Variants in CRYBG3 observed in about 807,000 individuals in gnomAD.
CRYBG3 encodes the protein crystallin beta-gamma domain containing 3.
A neutral mutation model predicts 244.2 loss-of-function variants in CRYBG3; 127 were observed. The ratio of observed to expected loss-of-function variants is 0.52; its 90% CI spans 0.45 to 0.60. CRYBG3 has a LOEUF of 0.60. Among genes scored for constraint, CRYBG3 ranks in the 20% least tolerant of loss-of-function variants. CRYBG3 has a pLI of 0.00. For missense variants in CRYBG3, 3,325 were observed against 3,442.5 expected, an observed-to-expected ratio of 0.97 and a Z score of 0.85; for synonymous variants, 1,132 against 1,195.8, an observed-to-expected ratio of 0.95 and a Z score of 1.10.
At chr3:97,866,455 A>C (rs1488382033) in intron 3 of CRYBG3, among the ~76,000 whole-genome samples, 4 of 152,220 alleles carry the variant, frequency 2.6e-5, no homozygotes, top group Non-Finnish European at 5.9e-5. Context: ...TCCTTGGAGC[A>C]GCAGCAGCAT....
At chr3:97,931,992 C>T (rs1482507497) in intron 17 of CRYBG3, among the ~76,000 whole-genome samples, 1 of 151,948 alleles carries the variant, frequency 6.6e-6, no homozygotes, top group Non-Finnish European at 1.5e-5. Flanking sequence ...GTAATAATTA[C>T]CAACTTAAAA....
At chr3:97,837,899 TGAAA>T (rs1261479595) in intron 1 of CRYBG3, among the ~76,000 whole-genome samples, 1 of 152,104 alleles carries the variant, frequency 6.6e-6, no homozygotes, top group African/African-American at 2.4e-5. Flanking sequence ...CAGTTATGTA[TGAAA>T]GAAAGGCATA....
chr3:97,933,953 T>TCTCTTCCAAAGGGCTC, intron 18 of CRYBG3, 120 bp downstream of exon 18: 1 of 716,688 alleles, frequency 1.4e-6, no homozygotes, highest in Non-Finnish European at 2.3e-6. Context: ...GAAGAGCCCT[T>TCTCTTCCAAAGGGCTC]TGGAAGAGAA....
In CRYBG3 at chr3:97,873,273, T is replaced by C. The variant is rs1249635685; in HGVS notation, c.2079T>C (p.Ile693=). ...CTGGGAATGTCAACATTGTTGGTATTTCCTATCAGCCTAGGAAGTGTAAAG... is the reference window on the plus strand; with the variant it reads ...CTGGGAATGTCAACATTGTTGGTATCTCCTATCAGCCTAGGAAGTGTAAAG... The part of the protein sequence containing the change: ...IETGNVNIVG[I]SYQPRKCKEE... Residue 693 remains isoleucine, a synonymous_variant, in exon 4 of 22, where the codon ATT becomes ATC. Coordinates refer to ENST00000389622, the MANE Select transcript of CRYBG3 (RefSeq NM_153605.4). 2 of 1,535,268 alleles carry C rather than the reference T, an allele frequency of 1.3e-6. No homozygotes were observed. Among genetic ancestry groups the C allele is most frequent in the Non-Finnish European group, 1.7e-6 (2 of 1,146,590 alleles).
chr3:97,840,742 A>G (rs1286030255), intron 1 of CRYBG3: 1 of 152,160 alleles, frequency 6.6e-6, no homozygotes, highest in Non-Finnish European at 1.5e-5. Context: ...ATCTTGAAGC[A>G]TGAACTAGGA....
chr3:97,903,287 GATTCACAAGCAGTAAAGAGAAAACACT>G (rs1361205372), intron 15 of CRYBG3, among the ~76,000 whole-genome samples: 1 of 152,142 alleles, frequency 6.6e-6, no homozygotes, highest in African/African-American at 2.4e-5. Context: ...AATACAGTAA[GATTCACAAGCAGTAAAGAGAAAACACT>G]TCTTTGTGGC....
intron 17 of CRYBG3, chr3:97,924,497 C>T (rs376947591): frequency 1.0e-4 from 42 of 406,952 alleles, no homozygotes; most frequent in African/African-American, 8.3e-4. Flanking sequence ...TATTTACAGT[C>T]TTGCAGTTCC....
In CRYBG3 at chr3:97,943,543, A is replaced by T. The variant is rs1399889677; in HGVS notation, c.*229A>T. On this transcript the variant is annotated 3_prime_UTR_variant, in exon 22 of 22. Transcript: ENST00000389622. ...AAAGAAAATATTATGATATCTTGGA[A>T]AGGTTCTATTCCTGATCTCCAGCTG... is the stretch of plus-strand genomic sequence containing the variant. The T allele has an allele frequency of 2.1e-6, 1 of 473,182 alleles. No individual in the cohort carries two copies. Among genetic ancestry groups the T allele is most frequent in the Non-Finnish European group, 3.7e-6 (1 of 271,192 alleles). The allele number at this position is 473,182 out of a possible 1,614,324, so 29.3% of individuals were successfully genotyped here.
At chr3:97,910,134 A>G (rs2039849068) in intron 15 of CRYBG3, among the ~76,000 whole-genome samples, 1 of 151,594 alleles carries the variant, frequency 6.6e-6, no homozygotes, top group South Asian at 2.1e-4. Flanking sequence ...TGCTGAGAGA[A>G]CCACTGCTCT....
chr3:97,928,058 CAAAG>C (rs1315963704), intron 17 of CRYBG3, among the ~76,000 whole-genome samples: 2 of 151,928 alleles, frequency 1.3e-5, no homozygotes, highest in South Asian at 2.1e-4. Context: ...GGTATATACT[CAAAG>C]GAATATAAAT....
At chr3:97,835,269 G>T (rs1170221453) in intron 1 of CRYBG3, among the ~76,000 whole-genome samples, 1 of 152,052 alleles carries the variant, frequency 6.6e-6, no homozygotes, top group Non-Finnish European at 1.5e-5. Context: ...AAAATATATA[G>T]ATTAATATAT....
At chr3:97,881,939 T>C (rs2039453983) in intron 7 of CRYBG3, among the ~76,000 whole-genome samples, 1 of 151,962 alleles carries the variant, frequency 6.6e-6, no homozygotes, top group Non-Finnish European at 1.5e-5. Context: ...CTGGGCACTG[T>C]GGCTCACACC....
At position 97,941,222 on chromosome 3, in the gene CRYBG3, C is replaced by G; in HGVS notation, c.8580C>G (p.Thr2860=). 1 of 1,611,252 alleles carries G rather than the reference C, an allele frequency of 6.2e-7. No homozygotes were observed. The highest frequency in any genetic ancestry group is 8.5e-7 in the Non-Finnish European group (1 of 1,177,942). ...YLTVTGSLAD[T]RATSVCISPY... is the part of the protein sequence containing the mutation. ...CAGTCACTGGAAGTCTAGCAGACAC[C>G]AGGGCAACATCTGTGTGCATTTCTC... The change falls in exon 20 of 22, where the codon ACC becomes ACG. Residue 2860 remains threonine (T), a synonymous_variant. Transcript: ENST00000389622.
At chr3:97,934,779 G>C (rs1455489927) in intron 18 of CRYBG3, among the ~76,000 whole-genome samples, 1 of 151,982 alleles carries the variant, frequency 6.6e-6, no homozygotes, top group Non-Finnish European at 1.5e-5. Context: ...TTCTATCTAA[G>C]CATAAGATTC....
chr3:97,887,181 A>G (rs1277565526), intron 8 of CRYBG3, among the ~76,000 whole-genome samples: 2 of 152,120 alleles, frequency 1.3e-5, no homozygotes, highest in Non-Finnish European at 2.9e-5. Flanking sequence ...TGTTACTCTC[A>G]TATTATATAT....
At chr3:97,886,237 T>C (rs1487370625) in intron 7 of CRYBG3, among the ~76,000 whole-genome samples, 3 of 152,144 alleles carry the variant, frequency 2.0e-5, no homozygotes, top group African/African-American at 7.2e-5. Context: ...GATCAGCTTT[T>C]ATTTAACTCT....
chr3:97,839,871 G>A (rs993297281), intron 1 of CRYBG3, among the ~76,000 whole-genome samples: 16 of 151,748 alleles, frequency 1.1e-4, no homozygotes, highest in African/African-American at 2.9e-4. Flanking sequence ...AGGCCACACC[G>A]CACCTGGCCT....
At position 97,872,697 on chromosome 3, in the gene CRYBG3, G is replaced by A; in HGVS notation, c.1503G>A (p.Val501=). The change falls in exon 4 of 22, where the codon GTG becomes GTA. Residue 501 remains valine, a synonymous_variant. Transcript: ENST00000389622. ...TCATTGCTCTTCAGAGACATGCTGT[G>A]ACAGACACAGAATTTGTAAATGAAG... ...TNIIALQRHA[V]TDTEFVNEGK... The A allele has an allele frequency of 6.5e-7, 1 of 1,535,936 alleles. No individual in the cohort carries two copies. Among genetic ancestry groups the A allele is most frequent in the Non-Finnish European group, 8.7e-7 (1 of 1,146,794 alleles).
chr3:97,920,064 C>T (rs1384032073), intron 17 of CRYBG3, among the ~76,000 whole-genome samples: 3 of 152,062 alleles, frequency 2.0e-5, no homozygotes, highest in Non-Finnish European at 4.4e-5. Context: ...ACCACTGCAC[C>T]GTCCAGCTGA....
Sources: allele counts gnomAD v4.1 joint callset (sites outside exome capture counted in the v4.1 genomes callset), GRCh38; gene constraint gnomAD v4.1.1; transcripts MANE v1.5; gene names NCBI Gene and HGNC (gene_info 2026-07-23, HGNC 2026-07-21).